IPO11: variants seen among roughly 807,000 people sequenced by gnomAD.
IPO11 encodes importin-11.
Under a neutral mutation model 143.2 loss-of-function variants are expected in IPO11, and 66 were observed. The observed-to-expected ratio is 0.46, with a 90% CI of 0.38 to 0.57. The LOEUF (loss-of-function observed/expected upper bound fraction) is 0.57. IPO11 is among the 20% of genes least tolerant of loss of function. IPO11 has a pLI of 0.00. For missense variants in IPO11, 1,026 were observed against 1,141.0 expected (o/e 0.90, Z 1.45); for synonymous variants, 385 against 377.8 (o/e 1.02, Z -0.22).
rs114519932 is a variant in IPO11 at position 62,574,342 on chromosome 5, T to C, written c.2582+13085T>C. ...GCGTGTGTTTGTGTGTTTAAAACTT[T>C]AGGGATTTTAGGGACTATGGTAAAC... On this transcript the variant is annotated intron_variant, in intron 27 of 29. Transcript: ENST00000325324. Among the ~76,000 whole-genome samples the C allele has an allele frequency of 5.2e-3, 793 of 152,306 alleles. 8 individuals are homozygous for C. Among genetic ancestry groups the C allele is most frequent in the African/African-American group, 0.018 (761 of 41,560 alleles).
At chr5:62,536,835 A>G in intron 23 of IPO11, 54 bp downstream of exon 23, 1 of 1,378,084 alleles carries the variant, frequency 7.3e-7, no homozygotes, top group Non-Finnish European at 9.5e-7. Context: ...TATTTTGATT[A>G]TTATTTGAAA....
At chr5:62,514,604 G>GGGAGAA (rs1554052851) in intron 19 of IPO11, among the ~76,000 whole-genome samples, 1 of 17,958 alleles carries the variant, frequency 5.6e-5, no homozygotes, top group East Asian at 9.0e-4. Flanking sequence ...AGAGGGAGAC[G>GGGAGAA]GGAGAGGGAG....
At chr5:62,484,565 T>C (rs1249124693) in intron 11 of IPO11, among the ~76,000 whole-genome samples, 16 of 151,798 alleles carry the variant, frequency 1.1e-4, no homozygotes, top group Non-Finnish European at 2.2e-4. Flanking sequence ...TTTTTTTTTT[T>C]TGGACAGGAC....
chr5:62,626,603 AT>A (rs1408495079), intron 29 of IPO11, among the ~76,000 whole-genome samples: 1 of 149,156 alleles, frequency 6.7e-6, no homozygotes, highest in African/African-American at 2.5e-5. Context: ...CTTCTGGGTT[AT>A]TTTTCATGAA....
intron 19 of IPO11, among the ~76,000 whole-genome samples, chr5:62,511,451 T>C (rs1287368016): frequency 6.6e-6 from 1 of 150,644 alleles, no homozygotes; most frequent in African/African-American, 2.4e-5. Flanking sequence ...GAAAATAAGG[T>C]ATTACATGAT....
intron 22 of IPO11, among the ~76,000 whole-genome samples, chr5:62,532,362 T>G (rs957026519): frequency 1.3e-5 from 2 of 152,116 alleles, no homozygotes; most frequent in African/African-American, 4.8e-5. Context: ...TTTGTTTGTT[T>G]GTTTGTTTGT....
intron 27 of IPO11, among the ~76,000 whole-genome samples, chr5:62,577,942 TAATG>T (rs1744381605): frequency 6.6e-6 from 1 of 152,088 alleles, no homozygotes; most frequent in Admixed American, 6.6e-5. Flanking sequence ...AGCTTAAAGT[TAATG>T]AAAGAAAGTT....
intron 27 of IPO11, among the ~76,000 whole-genome samples, chr5:62,590,900 T>C (rs1321880694): frequency 1.3e-5 from 2 of 152,124 alleles, no homozygotes; most frequent in Admixed American, 1.3e-4. Context: ...TTCATGTTTT[T>C]GCCTTTTTAA....
At chr5:62,479,131 A>G (rs1273406372) in intron 9 of IPO11, among the ~76,000 whole-genome samples, 1 of 151,864 alleles carries the variant, frequency 6.6e-6, no homozygotes, top group Admixed American at 6.6e-5. Flanking sequence ...GTTCCCCACC[A>G]TGTGTCCAAG....
intron 20 of IPO11, among the ~76,000 whole-genome samples, chr5:62,522,407 C>T (rs1328881048): frequency 6.6e-6 from 1 of 152,024 alleles, no homozygotes; most frequent in Non-Finnish European, 1.5e-5. Context: ...GCCTCAGCCT[C>T]CCCAGTAGCT....
At position 62,605,573 on chromosome 5, in the gene IPO11, CTT is replaced by C. The variant is rs527636769; in HGVS notation, c.2763+3726_2763+3727del. On this transcript the variant is annotated intron_variant, in intron 29 of 29. Transcript: ENST00000325324. ...AATTTTATGACCTTTACTATAAAGA[CTT>C]CAGCTAATTTATTAACATCTTTAGT... 3.2e-3 allele frequency among the ~76,000 whole-genome samples: 481 copies of C among 151,972 alleles called. 4 individuals are homozygous for C. Among genetic ancestry groups the C allele is most frequent in the Middle Eastern group, 0.021 (6 of 292 alleles).
intron 13 of IPO11, among the ~76,000 whole-genome samples, 172 bp from the exon 14 acceptor site, chr5:62,489,130 G>A (rs1268565028): frequency 2.0e-5 from 3 of 152,144 alleles, no homozygotes; most frequent in African/African-American, 7.2e-5. Flanking sequence ...GTTCTCTAAT[G>A]ATAATCATAA....
intron 1 of IPO11, among the ~76,000 whole-genome samples, chr5:62,429,684 T>C (rs1369927246): frequency 3.3e-5 from 5 of 150,620 alleles, no homozygotes; most frequent in Admixed American, 2.0e-4. Context: ...AGTGCAGTGG[T>C]GCGATCTTGG....
chr5:62,461,812 G>A (rs898937331), intron 5 of IPO11, among the ~76,000 whole-genome samples: 1 of 152,152 alleles, frequency 6.6e-6, no homozygotes, highest in Non-Finnish European at 1.5e-5. Context: ...CTTGGGAACA[G>A]AAATGTTTCA....
intron 22 of IPO11, among the ~76,000 whole-genome samples, chr5:62,534,974 A>C (rs988053792): frequency 6.6e-6 from 1 of 151,756 alleles, no homozygotes; most frequent in African/African-American, 2.4e-5. Flanking sequence ...CCAGTACCTT[A>C]AAACAGATAA....
chr5:62,496,041 G>A (rs188495540), intron 16 of IPO11, among the ~76,000 whole-genome samples: 1 of 152,114 alleles, frequency 6.6e-6, no homozygotes, highest in African/African-American at 2.4e-5. Flanking sequence ...TATAATCCCA[G>A]CACTTTGGGA....
chr5:62,518,140 TAAA>T (rs34629573), intron 20 of IPO11, among the ~76,000 whole-genome samples: 20 of 120,268 alleles, frequency 1.7e-4, no homozygotes, highest in Non-Finnish European at 1.9e-4. Flanking sequence ...CCGTGCCTAC[TAAA>T]AAAAAAAAAA....
At chr5:62,470,485 G>A (rs1169162609) in intron 7 of IPO11, among the ~76,000 whole-genome samples, 177 bp downstream of exon 7, 1 of 152,170 alleles carries the variant, frequency 6.6e-6, no homozygotes, top group Non-Finnish European at 1.5e-5. Flanking sequence ...CAAAGTGGCT[G>A]TTGTGTGAAG....
intron 19 of IPO11, among the ~76,000 whole-genome samples, chr5:62,508,239 CT>C (rs1353011531): frequency 6.6e-6 from 1 of 151,700 alleles, no homozygotes. Flanking sequence ...TCAAGTGATT[CT>C]TGTCCTCAGC....
Sources: gnomAD v4.1 joint callset for allele counts (sites outside exome capture counted in the v4.1 genomes callset) on GRCh38, gnomAD v4.1.1 for gene constraint, MANE v1.5 for transcripts, NCBI Gene and HGNC (gene_info 2026-07-23, HGNC 2026-07-21) for gene names.